The following GRM7 variants were observed in gnomAD, a reference collection of about 807,000 sequenced individuals.
GRM7 encodes metabotropic glutamate receptor 7.
In GRM7, 35 loss-of-function variants were observed where a neutral mutation model predicts 84.5. That is an observed-to-expected ratio of 0.41 (90% CI 0.32 to 0.55). The LOEUF is 0.55. Ranked by LOEUF, GRM7 falls within the 20% of genes least tolerant of loss-of-function variation. GRM7 has a pLI of 0.19. For synonymous variants in GRM7, 487 were observed against 455.1 expected (o/e 1.07, Z -0.89); for missense variants, 1,003 against 1,194.6 (o/e 0.84, Z 2.36).
intron 1 of GRM7, among the ~76,000 whole-genome samples, chr3:7,064,034 T>A (rs1245775398): frequency 6.6e-6 from 1 of 151,712 alleles, no homozygotes; most frequent in East Asian, 1.9e-4. Context: ...ACAGAGGATT[T>A]GCTGTTTTTA....
chr3:7,569,839 C>T (rs555876665), intron 7 of GRM7, among the ~76,000 whole-genome samples: 97 of 152,242 alleles, frequency 6.4e-4, no homozygotes, highest in Non-Finnish European at 1.2e-3. Flanking sequence ...AAGGAAGAAA[C>T]TCTGAACACA....
intron 2 of GRM7, among the ~76,000 whole-genome samples, chr3:7,276,938 T>G (rs2124988584): frequency 6.6e-6 from 1 of 152,154 alleles, no homozygotes; most frequent in East Asian, 1.9e-4. Flanking sequence ...TCCAAGTGTT[T>G]TCCACCTTAG....
At chr3:6,889,404 C>G (rs1330035207) in intron 1 of GRM7, among the ~76,000 whole-genome samples, 2 of 151,854 alleles carry the variant, frequency 1.3e-5, no homozygotes, top group East Asian at 3.9e-4. Flanking sequence ...GAGATACATC[C>G]CATCAATACC....
At chr3:6,995,066 A>T (rs1279572175) in intron 1 of GRM7, among the ~76,000 whole-genome samples, 1 of 152,192 alleles carries the variant, frequency 6.6e-6, no homozygotes, top group Admixed American at 6.5e-5. Context: ...ACACGCTCTT[A>T]TTCATTGGTA....
chr3:7,513,883 A>C lies in GRM7; in HGVS notation c.1515+52161A>C, dbSNP rs550183236. 1.2e-4 allele frequency among the ~76,000 whole-genome samples: 18 copies of C among 152,316 alleles called. No individual in the cohort carries two copies. In the East Asian group the frequency reaches 3.5e-3, roughly 29 times the overall value. On this transcript the variant is annotated intron_variant, in intron 7 of 9. Transcript: ENST00000357716. ...GCAAAGGAAGTATTTCTTTTATTGC[A>C]CTTCATCTGTCCTAGCTATAGCTAT...
At chr3:6,870,872 G>T (rs1280669235) in intron 1 of GRM7, among the ~76,000 whole-genome samples, 1 of 152,142 alleles carries the variant, frequency 6.6e-6, no homozygotes, top group African/African-American at 2.4e-5. Context: ...GTGGAACAGG[G>T]TTAGGGGTTA....
At chr3:7,645,523 G>C (rs1265577558) in intron 8 of GRM7, among the ~76,000 whole-genome samples, 2 of 139,040 alleles carry the variant, frequency 1.4e-5, no homozygotes, top group Non-Finnish European at 3.0e-5. Context: ...CTCTAGCCTG[G>C]GTGACAGAGC....
At position 7,622,721 on chromosome 3, in the gene GRM7, G is replaced by A. The variant is rs370047594; in HGVS notation, c.2451+43364G>A. On this transcript the variant is annotated intron_variant, in intron 8 of 9. Coordinates refer to ENST00000357716, the MANE Select transcript of GRM7 (RefSeq NM_000844.4). ...TAAACAGTATGTGTAAGGCTGCCTC[G>A]GTGTCTCACACTGGAACTTGAAGCC... Among the ~76,000 whole-genome samples the A allele has an allele frequency of 3.3e-5, 5 of 152,028 alleles. No homozygotes were observed. In the East Asian group the frequency reaches 5.8e-4, roughly 18 times the overall value.
intron 2 of GRM7, among the ~76,000 whole-genome samples, chr3:7,283,867 A>G (rs1332276107): frequency 6.6e-6 from 1 of 152,214 alleles, no homozygotes; most frequent in Non-Finnish European, 1.5e-5. Flanking sequence ...CTGGCCCGAC[A>G]TTTTATTTTA....
intron 5 of GRM7, among the ~76,000 whole-genome samples, chr3:7,437,177 C>A (rs1459203952): frequency 6.6e-6 from 1 of 152,138 alleles, no homozygotes; most frequent in Admixed American, 6.5e-5. Flanking sequence ...CTACTTTAAG[C>A]TTTTATTTCC....
At chr3:7,441,986 T>C (rs1271739038) in intron 5 of GRM7, among the ~76,000 whole-genome samples, 1 of 152,108 alleles carries the variant, frequency 6.6e-6, no homozygotes, top group Non-Finnish European at 1.5e-5. Context: ...ATATGACTTT[T>C]AGAATAGCTT....
intron 1 of GRM7, among the ~76,000 whole-genome samples, chr3:6,888,007 T>G (rs1024376240): frequency 6.6e-6 from 1 of 152,188 alleles, no homozygotes; most frequent in African/African-American, 2.4e-5. Flanking sequence ...TTTCATGTGT[T>G]TTTTGGCTGC....
At chr3:7,528,621 T>A (rs955384114) in intron 7 of GRM7, among the ~76,000 whole-genome samples, 1 of 152,110 alleles carries the variant, frequency 6.6e-6, no homozygotes, top group Non-Finnish European at 1.5e-5. Flanking sequence ...AATTGTCAAT[T>A]TGAGATCTTT....
intron 8 of GRM7, among the ~76,000 whole-genome samples, chr3:7,591,187 T>C (rs915326068): frequency 6.6e-6 from 1 of 152,174 alleles, no homozygotes; most frequent in Non-Finnish European, 1.5e-5. Flanking sequence ...GTCATGAAGA[T>C]TGCGCAGACA....
intron 1 of GRM7, among the ~76,000 whole-genome samples, chr3:7,045,335 G>A (rs1244993356): frequency 6.6e-6 from 1 of 152,174 alleles, no homozygotes; most frequent in African/African-American, 2.4e-5. Flanking sequence ...TGGGCAACAA[G>A]CAAAGATAGA....
chr3:7,566,996 A>G (rs979925696), intron 7 of GRM7, among the ~76,000 whole-genome samples: 2 of 152,208 alleles, frequency 1.3e-5, no homozygotes, highest in African/African-American at 4.8e-5. Context: ...GCAAGCATTA[A>G]AATAGTAAAT....
intron 9 of GRM7, chr3:7,681,370 T>A (rs571313969): frequency 1.3e-5 from 2 of 152,372 alleles, no homozygotes; most frequent in East Asian, 3.9e-4. Flanking sequence ...CTTTTTGCTC[T>A]GCAAATAAGA....
At chr3:7,035,919 G>A (rs189224530) in intron 1 of GRM7, among the ~76,000 whole-genome samples, 10 of 152,314 alleles carry the variant, frequency 6.6e-5, no homozygotes, top group Admixed American at 6.5e-4. Flanking sequence ...CCTTTATTGA[G>A]CATATACTAT....
chr3:6,911,850 G>C (rs756794642), intron 1 of GRM7, among the ~76,000 whole-genome samples: 4 of 152,136 alleles, frequency 2.6e-5, no homozygotes, highest in Non-Finnish European at 5.9e-5. Context: ...AGGCTTAGTG[G>C]AATTGATATG....
Sources: allele counts gnomAD v4.1 joint callset (sites outside exome capture counted in the v4.1 genomes callset), GRCh38; gene constraint gnomAD v4.1.1; transcripts MANE v1.5; gene names NCBI Gene and HGNC (gene_info 2026-07-23, HGNC 2026-07-21).